Variants in BCAM observed in about 807,000 individuals in gnomAD.
The protein encoded by BCAM is basal cell adhesion molecule (Lutheran blood group).
Under a neutral mutation model 72.4 loss-of-function variants are expected in BCAM, and 61 were observed. That is an observed-to-expected ratio of 0.84 (90% CI 0.69 to 1.04). The LOEUF (loss-of-function observed/expected upper bound fraction) is 1.04. Among genes scored for constraint, BCAM ranks in the 50% least tolerant of loss-of-function variants. BCAM has a pLI of 0.00. For missense variants in BCAM, 909 were observed against 895.0 expected (o/e 1.02, Z -0.20); for synonymous variants, 408 against 384.2 (o/e 1.06, Z -0.73).
In BCAM at chr19:44,813,879, C is replaced by T. The variant is rs1366407663; in HGVS notation, c.784+259C>T. Among the ~76,000 whole-genome samples, 2 of 152,198 alleles carry T rather than the reference C, an allele frequency of 1.3e-5. No homozygotes were observed. The highest frequency in any genetic ancestry group is 1.5e-5 in the Non-Finnish European group (1 of 68,032). ...CTAAATGGTGCTTTCCACCTTCTCA[C>T]ACTGAATTGGGTCCCCCCATGACAT... On this transcript the variant is annotated intron_variant, in intron 6 of 14. Transcript: ENST00000270233. The surrounding 1 kb of genome is among the most constrained non-coding windows in gnomAD (Gnocchi z 4.2).
rs374611415 is a variant in BCAM, at chr19:44,819,214, C to T, written c.1473+22C>T. On this transcript the variant is annotated intron_variant, in intron 11 of 14. Coordinates refer to ENST00000270233, the MANE Select transcript of BCAM (RefSeq NM_005581.5). ...CAGCGTAAGGGACCTTCCTCTCCAC[C>T]CTGAGCCCCCTCTCACTCATCCAAG... is the stretch of plus-strand genomic sequence containing the variant. 35 of 1,613,536 alleles carry T rather than the reference C, an allele frequency of 2.2e-5. No individual in the cohort carries two copies. In the African/African-American group the frequency reaches 4.4e-4, roughly 20 times the overall value.
Position 44,814,808 on chromosome 19 carries a change from T to C in BCAM, c.1078+48T>C. ...CGGGCAGGAGGGGCCCTGGCATCAG[T>C]GCCTCTGCGCCCTCCTCCCTACAGC... On this transcript the variant is annotated intron_variant, in intron 8 of 14. Transcript: ENST00000270233. This position sits in a 1 kb window ranked among gnomAD's most constrained non-coding sequence, Gnocchi z 4.6. The C allele has an allele frequency of 6.4e-7, 1 of 1,566,006 alleles. No individual in the cohort carries two copies. The highest frequency in any genetic ancestry group is 2.3e-5 in the East Asian group (1 of 44,296).
intron 8 of BCAM, among the ~76,000 whole-genome samples, chr19:44,817,019 T>C (rs1423622701): frequency 2.0e-5 from 3 of 151,868 alleles, no homozygotes; most frequent in African/African-American, 4.8e-5. Flanking sequence ...GGGCAGATCA[T>C]GAGGTCAGGA....
At chr19:44,809,081 G>T (rs757781904), upstream of BCAM, 27 of 1,316,522 alleles carry the variant, frequency 2.1e-5, no homozygotes, top group Non-Finnish European at 2.3e-5. Context: ...GCCCCGCAGC[G>T]GCCGAGCTGC....
At chr19:44,811,464 T>TG (rs1194534508) in intron 2 of BCAM, 118 bp downstream of exon 2, 2 of 1,522,126 alleles carry the variant, frequency 1.3e-6, no homozygotes, top group Admixed American at 1.8e-5. Flanking sequence ...TTGTTACAGA[T>TG]GGGGTCACTG....
intron 2 of BCAM, 116 bp downstream of exon 2, chr19:44,811,462 G>C: frequency 6.5e-7 from 1 of 1,534,088 alleles, no homozygotes; most frequent in Non-Finnish European, 8.8e-7. Flanking sequence ...CCTTGTTACA[G>C]ATGGGGTCAC....
In BCAM at chr19:44,813,636, C is replaced by A; in HGVS notation, c.784+16C>A. ...ACCCTGCACTGTGAGTCTGTGCTGG[C>A]CTTTGACCTCTGACCTCAGGCTCCA... On this transcript the variant is annotated intron_variant, in intron 6 of 14. Transcript: ENST00000270233. The surrounding 1 kb of genome is among the most constrained non-coding windows in gnomAD (Gnocchi z 4.2). 1 of 1,606,358 alleles carries A rather than the reference C, an allele frequency of 6.2e-7. No homozygotes were observed. The highest frequency in any genetic ancestry group is 1.1e-5 in the South Asian group (1 of 90,496).
Position 44,812,222 on chromosome 19 carries a change from C to T in BCAM, c.264C>T (p.Leu88=), listed in dbSNP as rs1968431583. 1.2e-6 allele frequency: 2 copies of T among 1,607,416 alleles called. No individual in the cohort carries two copies. Among genetic ancestry groups the T allele is most frequent in the Non-Finnish European group, 1.7e-6 (2 of 1,178,076 alleles). Residue 88 remains leucine, a synonymous_variant, in exon 3 of 15, where the codon CTC becomes CTT. Transcript: ENST00000270233. This position sits in a 1 kb window ranked among gnomAD's most constrained non-coding sequence, Gnocchi z 5.3. ...CGGCTGAGATGCAGGGCTCTGAGCT[C>T]CAGGTCACAATGCACGACACCCGGG... ...LASAEMQGSE[L]QVTMHDTRGR...
rs1968435042 is a variant in BCAM at position 44,812,338 on chromosome 19, T to C, written c.380T>C (p.Val127Ala). Residue 127 changes from valine to alanine, a missense_variant, in exon 3 of 15, where the codon GTG becomes GCG. Transcript: ENST00000270233. The surrounding 1 kb of genome is among the most constrained non-coding windows in gnomAD (Gnocchi z 5.3). ...GACGAGCGAGACTACGTGTGCGTGGTGAGGGCAGGGGCGGCAGGCACTGCT... is the reference window on the plus strand; with the variant it reads ...GACGAGCGAGACTACGTGTGCGTGGCGAGGGCAGGGGCGGCAGGCACTGCT... ...VGDERDYVCV[V>A]RAGAAGTAEA... 3 of 1,613,040 alleles carry C rather than the reference T, an allele frequency of 1.9e-6. No individual in the cohort carries two copies. Among genetic ancestry groups the C allele is most frequent in the African/African-American group, 1.3e-5 (1 of 74,870 alleles).
chr19:44,820,324 A>T, intron 13 of BCAM: 1 of 1,041,710 alleles, frequency 9.6e-7, no homozygotes, highest in Non-Finnish European at 1.2e-6. Context: ...CCATGTCCCC[A>T]TCCCCAATCT....
intron 1 of BCAM, among the ~76,000 whole-genome samples, chr19:44,809,451 T>C (rs1968388677): frequency 6.6e-6 from 1 of 151,742 alleles, no homozygotes; most frequent in African/African-American, 2.4e-5. Context: ...CCCTTCCCAC[T>C]CAGCACCCTG....
Position 44,809,114 on chromosome 19 carries a change from C to T in BCAM, c.-11C>T, listed in dbSNP as rs1410053828. 8.4e-6 allele frequency: 12 copies of T among 1,433,276 alleles called. No homozygotes were observed. In the Admixed American group the frequency reaches 1.8e-4, roughly 22 times the overall value. The allele number at this position is 1,433,276 out of a possible 1,614,324, so 88.8% of individuals were successfully genotyped here. A position where few individuals can be genotyped will look rare whatever the true frequency, so the allele number is the denominator to read the frequency against. ...TGCAGCCCGGGCTCAGTCTCCGCCG[C>T]CGCCGTGAACATGGAGCCCCCGGAC... On this transcript the variant is annotated 5_prime_UTR_variant, in exon 1 of 15. Coordinates refer to ENST00000270233, the MANE Select transcript of BCAM (RefSeq NM_005581.5).
In BCAM at chr19:44,813,653, C is replaced by T. The variant is rs1250444107; in HGVS notation, c.784+33C>T. 6.3e-7 allele frequency: 1 copy of T among 1,599,064 alleles called. No individual in the cohort carries two copies. The highest frequency in any genetic ancestry group is 8.5e-7 in the Non-Finnish European group (1 of 1,172,488). ...TGTGCTGGCCTTTGACCTCTGACCT[C>T]AGGCTCCACACCTCATGAGGCCTGA... On this transcript the variant is annotated intron_variant, in intron 6 of 14. Coordinates refer to ENST00000270233, the MANE Select transcript of BCAM (RefSeq NM_005581.5). The surrounding 1 kb of genome is among the most constrained non-coding windows in gnomAD (Gnocchi z 4.2).
chr19:44,813,703 C>T lies in BCAM; in HGVS notation c.784+83C>T, dbSNP rs974909524. On this transcript the variant is annotated intron_variant, in intron 6 of 14. Transcript: ENST00000270233. This position sits in a 1 kb window ranked among gnomAD's most constrained non-coding sequence, Gnocchi z 4.2. ...ACCCTCCACCCGGGGGCTTCACACT[C>T]CCCTCTGACCCTCTGCCTCCCTACT... 19 of 1,499,200 alleles carry T rather than the reference C, an allele frequency of 1.3e-5. No individual in the cohort carries two copies. In the Admixed American group the frequency reaches 2.9e-4, roughly 23 times the overall value. The allele number at this position is 1,499,200 out of a possible 1,614,324, so 92.9% of individuals were successfully genotyped here.
chr19:44,820,094 C>T (rs1300250669), intron 13 of BCAM: 2 of 1,128,634 alleles, frequency 1.8e-6, no homozygotes, highest in African/African-American at 3.2e-5. Flanking sequence ...CCAATCTCCC[C>T]TCAACTCCAA....
intron 2 of BCAM, 25 bp downstream of exon 2, chr19:44,811,371 T>C: frequency 1.2e-6 from 2 of 1,612,204 alleles, no homozygotes; most frequent in African/African-American, 1.3e-5. Context: ...CTGGGGGGCC[T>C]GGAGTCAGGG....
chr19:44,819,639 G>T lies in BCAM; in HGVS notation c.1676G>T (p.Gly559Val). The change falls in exon 13 of 15, where the codon GGC becomes GTC. Residue 559 changes from glycine (G) to valine (V), a missense_variant. Coordinates refer to ENST00000270233, the MANE Select transcript of BCAM (RefSeq NM_005581.5). ...VAVMAVAVSV[G>V]LLLLVVAVFY... ...GTCATGGCCGTGGCCGTCAGCGTGGGCCTCCTGCTCCTCGTCGTTGCTGTC... is the reference window on the plus strand; with the variant it reads ...GTCATGGCCGTGGCCGTCAGCGTGGTCCTCCTGCTCCTCGTCGTTGCTGTC... 6.2e-7 allele frequency: 1 copy of T among 1,613,600 alleles called. No homozygotes were observed. Among genetic ancestry groups the T allele is most frequent in the South Asian group, 1.1e-5 (1 of 91,066 alleles).
Position 44,811,343 on chromosome 19 carries a change from C to G in BCAM, c.201C>G (p.Phe67Leu). The G allele has an allele frequency of 6.2e-7, 1 of 1,610,750 alleles. No homozygotes were observed. Among genetic ancestry groups the G allele is most frequent in the South Asian group, 1.1e-5 (1 of 91,014 alleles). ...ACGACCATTATATGCTGGAATGGTTCCTTGTGAGTGCTTGGGGCTGGGGGG... is the reference window on the plus strand; with the variant it reads ...ACGACCATTATATGCTGGAATGGTTGCTTGTGAGTGCTTGGGGCTGGGGGG... ...GTHDHYMLEW[F>L]LTDRSGARPR... is the part of the protein sequence containing the mutation. The change falls in exon 2 of 15, where the codon TTC becomes TTG. Residue 67 changes from phenylalanine to leucine, a missense_variant. Transcript: ENST00000270233.
In BCAM at chr19:44,809,226, C is replaced by A; in HGVS notation, c.82+20C>A. The A allele has an allele frequency of 7.0e-7, 1 of 1,437,346 alleles. No homozygotes were observed. The highest frequency in any genetic ancestry group is 9.1e-7 in the Non-Finnish European group (1 of 1,094,172). The allele number at this position is 1,437,346 out of a possible 1,614,324, so 89.0% of individuals were successfully genotyped here. On this transcript the variant is annotated intron_variant, in intron 1 of 14. Transcript: ENST00000270233. The stretch of plus-strand genomic sequence containing the variant: ...ACCCAGGTATGGCTCGGGCTGAGGG[C>A]AAGGTGGGACTGGGGAGAGGCCCCT...
Sources: allele counts gnomAD v4.1 joint callset (sites outside exome capture counted in the v4.1 genomes callset), GRCh38; gene constraint gnomAD v4.1.1; non-coding constraint Gnocchi (gnomAD v3.1); transcripts MANE v1.5; gene names NCBI Gene and HGNC (gene_info 2026-07-23, HGNC 2026-07-21).